MYCBP2: variants seen among roughly 807,000 people sequenced by gnomAD.
The protein encoded by MYCBP2 is MYC binding protein 2.
In MYCBP2, 120 loss-of-function variants were observed where a neutral mutation model predicts 525.3. The observed-to-expected ratio is 0.23, with a 90% CI of 0.20 to 0.27. The LOEUF is 0.27. MYCBP2 is among the 10% of genes least tolerant of loss of function. The probability of loss-of-function intolerance (pLI) is 1.00; values close to 1 mark genes in which losing one functional copy is unlikely to be tolerated. For missense variants in MYCBP2, 4,149 were observed against 5,657.1 expected, an observed-to-expected ratio of 0.73 and a Z score of 8.55; for synonymous variants, 1,894 against 1,955.8, an observed-to-expected ratio of 0.97 and a Z score of 0.83.
At chr13:77,262,237 A>G in intron 10 of MYCBP2, 108 bp from the exon 11 acceptor site, 1 of 853,530 alleles carries the variant, frequency 1.2e-6, no homozygotes. Flanking sequence ...TCACTAAAAA[A>G]CAAGGATGAC....
intron 1 of MYCBP2, among the ~76,000 whole-genome samples, chr13:77,317,837 T>C (rs560180143): frequency 6.6e-6 from 1 of 152,206 alleles, no homozygotes; most frequent in East Asian, 1.9e-4. Flanking sequence ...CTCAGGAGGC[T>C]GAGGTAGGAG....
intron 55 of MYCBP2, among the ~76,000 whole-genome samples, chr13:77,110,362 C>T (rs1002447159): frequency 2.4e-4 from 36 of 152,044 alleles, no homozygotes; most frequent in Admixed American, 6.5e-4. Context: ...GCTCAGAAGG[C>T]GGGGAAAAAA....
chr13:77,174,538 T>C, intron 36 of MYCBP2, 49 bp from the exon 37 acceptor site: 1 of 1,447,114 alleles, frequency 6.9e-7, no homozygotes, highest in East Asian at 2.3e-5. Context: ...GTACAGAGGA[T>C]ATATAAAAAG....
At chr13:77,209,684 C>T (rs2063746617) in intron 23 of MYCBP2, among the ~76,000 whole-genome samples, 1 of 152,188 alleles carries the variant, frequency 6.6e-6, no homozygotes, top group Non-Finnish European at 1.5e-5. Context: ...TTCATCTACC[C>T]TGCACAATGC....
In MYCBP2 at chr13:77,171,889, GAATT is replaced by G. The variant is rs2059175121; in HGVS notation, c.5652-259_5652-256del. The stretch of plus-strand genomic sequence containing the variant: ...AGGAACTCATATTTAACAAAGACCT[GAATT>G]AATTAATTAAATTATTTACTTATTT... On this transcript the variant is annotated intron_variant, in intron 37 of 82. Transcript: ENST00000544440. 2.6e-5 allele frequency among the ~76,000 whole-genome samples: 4 copies of G among 152,090 alleles called. No homozygotes were observed. The South Asian group carries it at 8.3e-4, about 32-fold the overall frequency.
chr13:77,116,286 A>AT (rs1221360110), intron 55 of MYCBP2, among the ~76,000 whole-genome samples: 1 of 151,968 alleles, frequency 6.6e-6, no homozygotes, highest in African/African-American at 2.4e-5. Context: ...ATTTTACTAA[A>AT]TAGCATAGGG....
chr13:77,159,511 T>C (rs2057616348), intron 44 of MYCBP2, among the ~76,000 whole-genome samples: 1 of 152,108 alleles, frequency 6.6e-6, no homozygotes, highest in South Asian at 2.1e-4. Context: ...TGGCTCTGTG[T>C]CCCCACCCAA....
intron 55 of MYCBP2, among the ~76,000 whole-genome samples, chr13:77,117,876 T>A (rs1594696567): frequency 6.6e-6 from 1 of 152,212 alleles, no homozygotes; most frequent in African/African-American, 2.4e-5. Context: ...ATGATCAATT[T>A]AACATATTAG....
chr13:77,226,228 CCTT>C (rs2066250105), intron 18 of MYCBP2, among the ~76,000 whole-genome samples: 1 of 152,118 alleles, frequency 6.6e-6, no homozygotes, highest in South Asian at 2.1e-4. Context: ...TGCTTTCACT[CCTT>C]CTTTCCTCCT....
At chr13:77,168,703 T>C (rs1449532560) in intron 39 of MYCBP2, 57 bp from the exon 40 acceptor site, 3 of 1,480,058 alleles carry the variant, frequency 2.0e-6, no homozygotes, top group Non-Finnish European at 2.8e-6. Flanking sequence ...GGTTCTAAAA[T>C]TATGCATTAC....
chr13:77,227,672 A>G (rs1287695958), intron 18 of MYCBP2, among the ~76,000 whole-genome samples: 1 of 152,220 alleles, frequency 6.6e-6, no homozygotes, highest in African/African-American at 2.4e-5. Flanking sequence ...AGACTTAATT[A>G]AACATTTCAA....
At chr13:77,199,336 G>A (rs1262422365) in intron 26 of MYCBP2, among the ~76,000 whole-genome samples, 1 of 152,246 alleles carries the variant, frequency 6.6e-6, no homozygotes, top group Admixed American at 6.5e-5. Flanking sequence ...TTTCTGACGG[G>A]CTTAAAAAAC....
chr13:77,242,336 G>A (rs996462437), intron 17 of MYCBP2, among the ~76,000 whole-genome samples: 2 of 152,140 alleles, frequency 1.3e-5, no homozygotes, highest in African/African-American at 2.4e-5. Flanking sequence ...GGATGGTCTT[G>A]ATCTCTTGAT....
intron 17 of MYCBP2, among the ~76,000 whole-genome samples, chr13:77,234,350 G>C (rs568349218): frequency 6.6e-6 from 1 of 151,900 alleles, no homozygotes; most frequent in East Asian, 1.9e-4. Flanking sequence ...GTTTTTTCAT[G>C]ATTCTCTATT....
chr13:77,086,006 A>G (rs1020229220), intron 62 of MYCBP2, among the ~76,000 whole-genome samples: 1 of 152,170 alleles, frequency 6.6e-6, no homozygotes, highest in African/African-American at 2.4e-5. Flanking sequence ...TTAAGGTTAC[A>G]GTATTAGGTA....
chr13:77,153,709 T>C (rs2056831150), intron 46 of MYCBP2, among the ~76,000 whole-genome samples: 1 of 132,804 alleles, frequency 7.5e-6, no homozygotes, highest in Admixed American at 7.5e-5. Context: ...GTATTTCCTA[T>C]GTGACTTTCT....
chr13:77,144,698 C>T (rs781491802), intron 48 of MYCBP2, 138 bp from the exon 49 acceptor site: 1 of 656,492 alleles, frequency 1.5e-6, no homozygotes, highest in Non-Finnish European at 2.7e-6. Flanking sequence ...CGCTTGCCTA[C>T]TCTCCAAAAT....
chr13:77,251,936 TC>T (rs1392953995), intron 14 of MYCBP2, among the ~76,000 whole-genome samples: 1 of 152,098 alleles, frequency 6.6e-6, no homozygotes, highest in Non-Finnish European at 1.5e-5. Context: ...TCATTCTTGC[TC>T]CCTCTGCCTC....
intron 18 of MYCBP2, among the ~76,000 whole-genome samples, chr13:77,229,641 A>G (rs2066855357): frequency 6.6e-6 from 1 of 152,210 alleles, no homozygotes; most frequent in Non-Finnish European, 1.5e-5. Context: ...GACTACACAC[A>G]TATATTTTAA....
Sources: gnomAD v4.1 joint callset for allele counts (sites outside exome capture counted in the v4.1 genomes callset) on GRCh38, gnomAD v4.1.1 for gene constraint, MANE v1.5 for transcripts, NCBI Gene and HGNC (gene_info 2026-07-23, HGNC 2026-07-21) for gene names.